The following FRYL variants were observed in gnomAD, a reference collection of about 807,000 sequenced individuals.
FRYL encodes the protein FRY like transcription coactivator, also known as protein furry homolog-like.
FRYL carries 150 observed loss-of-function variants against 351.2 expected under a neutral mutation model. The ratio of observed to expected loss-of-function variants is 0.43; its 90% confidence interval spans 0.37 to 0.49. The LOEUF is 0.49. Ranked by LOEUF, FRYL falls within the 20% of genes least tolerant of loss-of-function variation. FRYL has a pLI of 0.00. For synonymous variants in FRYL, 1,153 were observed against 1,257.1 expected, an observed-to-expected ratio of 0.92 and a Z score of 1.75; for missense variants, 3,036 against 3,619.3, an observed-to-expected ratio of 0.84 and a Z score of 4.13.
At chr4:48,756,144 G>C (rs1429684917) in intron 1 of FRYL, among the ~76,000 whole-genome samples, 1 of 150,514 alleles carries the variant, frequency 6.6e-6, no homozygotes, top group Non-Finnish European at 1.5e-5. Flanking sequence ...GAGGCGGGAA[G>C]AATTGGTTGA....
rs560685997 is a variant in FRYL at position 48,633,395 on chromosome 4, T to G, written c.120+896A>C. 7.2e-5 allele frequency among the ~76,000 whole-genome samples: 11 copies of G among 152,302 alleles called. No individual in the cohort carries two copies. The East Asian group carries it at 2.1e-3, about 29-fold the overall frequency. On this transcript the variant is annotated intron_variant, in intron 4 of 63. Transcript: ENST00000358350. ...GCTCTTTTGGCTTCAATTTACACCCTCATATAGATGATACCAAAATCTGTA... is the reference window on the plus strand; with the variant it reads ...GCTCTTTTGGCTTCAATTTACACCCGCATATAGATGATACCAAAATCTGTA...
At chr4:48,522,842 G>A (rs1446535405) in intron 54 of FRYL, 59 bp downstream of exon 54, 14 of 1,228,774 alleles carry the variant, frequency 1.1e-5, no homozygotes, top group African/African-American at 1.5e-5. Flanking sequence ...TCATTAAGAA[G>A]TTGGAAGTTA....
chr4:48,719,563 T>C (rs1769232155), intron 1 of FRYL, among the ~76,000 whole-genome samples: 1 of 151,718 alleles, frequency 6.6e-6, no homozygotes, highest in Admixed American at 6.6e-5. Context: ...TAAAGACAAT[T>C]AAGTGCCCAA....
chr4:48,599,878 C>T (rs1325952349), intron 13 of FRYL, among the ~76,000 whole-genome samples: 1 of 151,954 alleles, frequency 6.6e-6, no homozygotes, highest in East Asian at 1.9e-4. Flanking sequence ...GAGGCTGAGG[C>T]GGGTGAATAA....
At chr4:48,608,119 T>C (rs1747257133) in intron 9 of FRYL, among the ~76,000 whole-genome samples, 1 of 152,198 alleles carries the variant, frequency 6.6e-6, no homozygotes, top group African/African-American at 2.4e-5. Flanking sequence ...ATCTAAATCA[T>C]TTAAAATACT....
chr4:48,738,597 A>G (rs539069296), intron 1 of FRYL, among the ~76,000 whole-genome samples: 2 of 152,038 alleles, frequency 1.3e-5, no homozygotes, highest in African/African-American at 4.8e-5. Flanking sequence ...TACTGAGCTC[A>G]AGTGATACTC....
At chr4:48,716,798 A>T (rs1768886483) in intron 1 of FRYL, among the ~76,000 whole-genome samples, 1 of 151,466 alleles carries the variant, frequency 6.6e-6, no homozygotes, top group African/African-American at 2.4e-5. Context: ...CTATAAATCA[A>T]GCTGCTATGA....
At position 48,684,673 on chromosome 4, in the gene FRYL, C is replaced by T. The variant is rs182566797; in HGVS notation, c.-81G>A. On this transcript the variant is annotated splice_region_variant and 5_prime_UTR_variant, in exon 3 of 64. Transcript: ENST00000358350. Reference sequence around the variant, plus strand: ...TTGAGAATATTTACTATAATCTTACCGTATCACTTGAGACAGTAATTTCTT... The same window carrying T: ...TTGAGAATATTTACTATAATCTTACTGTATCACTTGAGACAGTAATTTCTT... The T allele has an allele frequency of 3.3e-5, 5 of 152,190 alleles. No individual in the cohort carries two copies. The highest frequency in any genetic ancestry group is 2.0e-4 in the Admixed American group (3 of 15,280). 9.4% of individuals were successfully genotyped at this position (152,190 alleles called of 1,614,324 possible). A position where few individuals can be genotyped will look rare whatever the true frequency, so the allele number is the denominator to read the frequency against.
chr4:48,680,254 T>TA (rs1032485386), intron 3 of FRYL, among the ~76,000 whole-genome samples: 37 of 151,154 alleles, frequency 2.4e-4, no homozygotes, highest in East Asian at 3.9e-4. Context: ...TCCCTAAAAT[T>TA]AAAAAAAAAT....
Position 48,586,601 on chromosome 4 carries a change from A to T in FRYL, c.1748+20T>A, listed in dbSNP as rs753631372. The T allele has an allele frequency of 6.7e-7, 1 of 1,493,792 alleles. No homozygotes were observed. The allele number at this position is 1,493,792 out of a possible 1,614,324, so 92.5% of individuals were successfully genotyped here. On this transcript the variant is annotated intron_variant, in intron 19 of 63. Coordinates refer to ENST00000358350, the MANE Select transcript of FRYL (RefSeq NM_015030.2). ...AGCAGAAGACATAAAACAATATAGC[A>T]AACAGTAATTCTCATTTACCTTGCT... is the stretch of plus-strand genomic sequence containing the variant.
chr4:48,729,284 C>G (rs1478365310), intron 1 of FRYL, among the ~76,000 whole-genome samples: 6 of 152,254 alleles, frequency 3.9e-5, no homozygotes, highest in Non-Finnish European at 8.8e-5. Flanking sequence ...TACTGCCTCT[C>G]TAGATTCCAC....
At chr4:48,505,296 C>A (rs1256069450) in intron 60 of FRYL, 2 of 520,190 alleles carry the variant, frequency 3.8e-6, no homozygotes, top group Non-Finnish European at 7.0e-6. Context: ...TCCAGATATC[C>A]ATCAAGCTTA....
chr4:48,716,727 G>C (rs566489377), intron 1 of FRYL, among the ~76,000 whole-genome samples: 1 of 151,402 alleles, frequency 6.6e-6, no homozygotes, highest in Admixed American at 6.6e-5. Context: ...TTTCTCAGGG[G>C]TCTAGAACTA....
intron 60 of FRYL, 51 bp from the exon 61 acceptor site, chr4:48,502,896 C>G: frequency 6.7e-7 from 1 of 1,482,070 alleles, no homozygotes; most frequent in South Asian, 1.2e-5. Flanking sequence ...AGAAAAAGAC[C>G]AAGAATTAGT....
chr4:48,573,260 A>T lies in FRYL; in HGVS notation c.2847-17T>A. Reference sequence around the variant, plus strand: ...ATTAGTTCCCTGGAAGAAAAATGGTACATATTCTATTAATAGCTACACAGA... The same window carrying T: ...ATTAGTTCCCTGGAAGAAAAATGGTTCATATTCTATTAATAGCTACACAGA... On this transcript the variant is annotated splice_polypyrimidine_tract_variant and intron_variant, in intron 25 of 63. Transcript: ENST00000358350. 1 of 1,539,314 alleles carries T rather than the reference A, an allele frequency of 6.5e-7. No individual in the cohort carries two copies. Among genetic ancestry groups the T allele is most frequent in the South Asian group, 1.1e-5 (1 of 89,354 alleles).
chr4:48,696,870 A>ATCTG (rs1766235606), intron 2 of FRYL, among the ~76,000 whole-genome samples: 1 of 151,734 alleles, frequency 6.6e-6, no homozygotes, highest in East Asian at 1.9e-4. Flanking sequence ...CTATCTATCT[A>ATCTG]TCTATCTATC....
Position 48,523,036 on chromosome 4 carries a change from G to T in FRYL, c.7386C>A (p.Asp2462Glu). 6.2e-7 allele frequency: 1 copy of T among 1,613,740 alleles called. No homozygotes were observed. The highest frequency in any genetic ancestry group is 1.1e-5 in the South Asian group (1 of 91,064). Residue 2462 changes from aspartate to glutamate, a missense_variant, in exon 54 of 64, where the codon GAC becomes GAA. Physicochemically the swap from Asp to Glu is conservative, Grantham distance 45. Transcript: ENST00000358350. ...RRSLDSIDKG[D>E]TPSLQEYQCS... ...ACTGGTACTCCTGGAGGGATGGAGT[G>T]TCCCCTTTGTCAATACTGTCCAGTG...
chr4:48,533,802 T>A (rs1012240691), intron 49 of FRYL, among the ~76,000 whole-genome samples: 3 of 152,208 alleles, frequency 2.0e-5, no homozygotes, highest in Admixed American at 2.0e-4. Flanking sequence ...TTTCTAAATA[T>A]CTGGCACTTT....
intron 3 of FRYL, among the ~76,000 whole-genome samples, chr4:48,675,051 C>CT (rs996401353): frequency 1.3e-5 from 2 of 152,136 alleles, no homozygotes; most frequent in African/African-American, 2.4e-5. Flanking sequence ...TTTCTTTTTT[C>CT]TTTTTTGTTT....
Sources: gnomAD v4.1 joint callset for allele counts (sites outside exome capture counted in the v4.1 genomes callset) on GRCh38, gnomAD v4.1.1 for gene constraint, MANE v1.5 for transcripts, NCBI Gene and HGNC (gene_info 2026-07-23, HGNC 2026-07-21) for gene names.